Variants in GPR89A observed in about 807,000 individuals in gnomAD.
GPR89A encodes the protein golgi pH regulator A, also known as G protein-coupled receptor 89A.
A neutral mutation model predicts 52.0 loss-of-function variants in GPR89A; 16 were observed. That is an observed-to-expected ratio of 0.31 (90% CI 0.21 to 0.47). GPR89A has a LOEUF of 0.47. Among genes scored for constraint, GPR89A ranks in the 20% least tolerant of loss-of-function variants. The pLI, the probability that GPR89A is intolerant of heterozygous loss-of-function variation, is 1.00. For missense variants in GPR89A, 135 were observed against 449.4 expected, an observed-to-expected ratio of 0.30 and a Z score of 6.33; for synonymous variants, 55 against 150.9, an observed-to-expected ratio of 0.36 and a Z score of 4.66.
At chr1:145,660,008 T>C (rs1365371217) in intron 10 of GPR89A, among the ~76,000 whole-genome samples, 2 of 151,938 alleles carry the variant, frequency 1.3e-5, no homozygotes, top group African/African-American at 4.9e-5. Flanking sequence ...GTTGGATTCC[T>C]AGGTATTTTA....
At chr1:145,634,324 G>A (rs1181736961) in intron 7 of GPR89A, among the ~76,000 whole-genome samples, 1 of 151,896 alleles carries the variant, frequency 6.6e-6, no homozygotes, top group Non-Finnish European at 1.5e-5. Flanking sequence ...CAAGTGATCT[G>A]CCCACCTTGG....
In GPR89A at chr1:145,638,969, T is replaced by C. The variant is rs1377333607; in HGVS notation, c.618-4900T>C. 2.7e-5 allele frequency among the ~76,000 whole-genome samples: 4 copies of C among 149,378 alleles called. 1 individual carries two copies. Among genetic ancestry groups the C allele is most frequent in the African/African-American group, 1.0e-4 (4 of 39,154 alleles). The stretch of plus-strand genomic sequence containing the variant: ...ACAAGACCCCATCTTGAAAATCCAA[T>C]TTTTTTAAATCAATTGTCTTTCTAT... On this transcript the variant is annotated intron_variant, in intron 7 of 13. Transcript: ENST00000313835.
chr1:145,612,890 C>T (rs1364654448), intron 1 of GPR89A, among the ~76,000 whole-genome samples: 4 of 152,024 alleles, frequency 2.6e-5, no homozygotes, highest in Non-Finnish European at 4.4e-5. Context: ...TTACTGTCCC[C>T]ACTGCTTTAG....
At chr1:145,626,071 A>T in intron 5 of GPR89A, among the ~76,000 whole-genome samples, 1 of 150,682 alleles carries the variant, frequency 6.6e-6, no homozygotes. Context: ...CAGCATGCCT[A>T]TGTCAATGGT....
At chr1:145,641,404 T>C (rs1650645631) in intron 7 of GPR89A, among the ~76,000 whole-genome samples, 1 of 151,792 alleles carries the variant, frequency 6.6e-6, no homozygotes. Context: ...CTTGTAGTGA[T>C]GGAAATGTCC....
At chr1:145,660,687 C>G (rs186419995) in intron 10 of GPR89A, among the ~76,000 whole-genome samples, 60 of 151,732 alleles carry the variant, frequency 4.0e-4, no homozygotes, top group African/African-American at 1.3e-3. Context: ...TTTATGCCGC[C>G]AAAAAACACA....
At chr1:145,616,873 G>C (rs1648744228) in intron 2 of GPR89A, among the ~76,000 whole-genome samples, 1 of 152,184 alleles carries the variant, frequency 6.6e-6, no homozygotes, top group Non-Finnish European at 1.5e-5. Context: ...TTCAAAAGGG[G>C]AGGGAGTGTA....
rs868976966 is a variant in GPR89A, at chr1:145,608,024, C to T, written c.-110C>T. On this transcript the variant is annotated 5_prime_UTR_variant, in exon 1 of 14. Coordinates refer to ENST00000313835, the MANE Select transcript of GPR89A (RefSeq NM_001097612.2). ...GCGTCGGGCTGGAGAGCCGCAGTCC[C>T]GGCTGCAGCACCTGGGAGAAGGCAG... is the stretch of plus-strand genomic sequence containing the variant. The T allele has an allele frequency of 1.8e-5, 24 of 1,324,150 alleles. No homozygotes were observed. Among genetic ancestry groups the T allele is most frequent in the African/African-American group, 3.0e-5 (2 of 67,270 alleles). The allele number at this position is 1,324,150 out of a possible 1,614,324, so 82.0% of individuals were successfully genotyped here. A position where few individuals can be genotyped will look rare whatever the true frequency, so the allele number is the denominator to read the frequency against.
chr1:145,627,728 G>A (rs1553689216), intron 5 of GPR89A, among the ~76,000 whole-genome samples: 2 of 151,012 alleles, frequency 1.3e-5, no homozygotes, highest in East Asian at 1.9e-4. Context: ...TCATCAAGGA[G>A]TGAACAGGTT....
At chr1:145,638,540 A>G (rs1553691201) in intron 7 of GPR89A, among the ~76,000 whole-genome samples, 1 of 146,900 alleles carries the variant, frequency 6.8e-6, no homozygotes, top group Non-Finnish European at 1.5e-5. Flanking sequence ...TTAAAAAAAT[A>G]TTGAAGAAAA....
intron 7 of GPR89A, among the ~76,000 whole-genome samples, chr1:145,636,896 T>G (rs1402671384): frequency 2.0e-5 from 3 of 152,300 alleles, no homozygotes; most frequent in Non-Finnish European, 4.4e-5. Context: ...GTGTACAGAT[T>G]GGTAAGAGTT....
chr1:145,616,185 T>C (rs1553686945), intron 1 of GPR89A, 49 bp from the exon 2 acceptor site: 2 of 1,421,368 alleles, frequency 1.4e-6, no homozygotes, highest in Admixed American at 1.8e-5. Context: ...CTATAAAACA[T>C]TTCTCAAAAG....
At chr1:145,654,571 A>AAAAC (rs1651690570) in intron 10 of GPR89A, among the ~76,000 whole-genome samples, 13 of 147,318 alleles carry the variant, frequency 8.8e-5, no homozygotes, top group Non-Finnish European at 1.5e-4. Context: ...AAAAAAAAAA[A>AAAAC]CAGAATGTTG....
intron 5 of GPR89A, among the ~76,000 whole-genome samples, chr1:145,625,516 T>C (rs1222615704): frequency 6.9e-6 from 1 of 145,484 alleles, no homozygotes; most frequent in Non-Finnish European, 1.5e-5. Flanking sequence ...ATTTTGGTAT[T>C]TTTTCATAGA....
rs184615106 is a variant in GPR89A, at chr1:145,619,117, G to A, written c.206+694G>A. Among the ~76,000 whole-genome samples the A allele has an allele frequency of 2.0e-3, 310 of 152,238 alleles. 3 individuals carry two copies. The East Asian group carries it at 0.02, about 10-fold the overall frequency. On this transcript the variant is annotated intron_variant, in intron 3 of 13. Transcript: ENST00000313835. ...CACCACCTGGAAAAACCTTTTAGGAGTAAAGCAGTCTTTCACTCTAAAGTT... is the reference window on the plus strand; with the variant it reads ...CACCACCTGGAAAAACCTTTTAGGAATAAAGCAGTCTTTCACTCTAAAGTT...
chr1:145,622,922 C>T, intron 3 of GPR89A, 132 bp from the exon 4 acceptor site: 1 of 1,382,210 alleles, frequency 7.2e-7, no homozygotes, highest in Non-Finnish European at 9.8e-7. Flanking sequence ...ATTTTAAGAG[C>T]CTAGTAGGCT....
intron 7 of GPR89A, among the ~76,000 whole-genome samples, chr1:145,633,936 CA>C (rs1193588377): frequency 6.0e-5 from 9 of 150,698 alleles, no homozygotes; most frequent in African/African-American, 2.2e-4. Context: ...TAAATTTGAC[CA>C]AGGGGGAAGA....
chr1:145,661,429 A>G lies in GPR89A; in HGVS notation c.910-1900A>G, dbSNP rs1652195442. Among the ~76,000 whole-genome samples, 6 of 151,582 alleles carry G rather than the reference A, an allele frequency of 4.0e-5. No homozygotes were observed. The South Asian group carries it at 1.3e-3, about 32-fold the overall frequency. ...TATGTAACTAACCTGCACAGTGTGC[A>G]CATGTACCCTAAAACTTAAAGTATA... On this transcript the variant is annotated intron_variant, in intron 10 of 13. Transcript: ENST00000313835.
intron 7 of GPR89A, among the ~76,000 whole-genome samples, chr1:145,643,415 C>G (rs1266405621): frequency 2.0e-5 from 3 of 152,148 alleles, no homozygotes; most frequent in Middle Eastern, 3.4e-3. Context: ...ATCCACCTGC[C>G]TCGGCCTCCC....
Sources: gnomAD v4.1 joint callset for allele counts (sites outside exome capture counted in the v4.1 genomes callset) on GRCh38, gnomAD v4.1.1 for gene constraint, MANE v1.5 for transcripts, NCBI Gene and HGNC (gene_info 2026-07-23, HGNC 2026-07-21) for gene names.